EDDM13: variants seen among roughly 807,000 people sequenced by gnomAD.
EDDM13 encodes epididymal protein 13.
Under a neutral mutation model 17.8 loss-of-function variants are expected in EDDM13, and 24 were observed. The ratio of observed to expected loss-of-function variants is 1.35; its 90% CI spans 0.98 to 1.90. EDDM13 has a LOEUF of 1.90. EDDM13 is among the 40% of genes most tolerant of loss of function. EDDM13 has a pLI of 0.00. For synonymous variants in EDDM13, 31 were observed against 37.5 expected (o/e 0.83, Z 0.63); for missense variants, 97 against 100.8 (o/e 0.96, Z 0.16).
chr19:56,309,691 GCAGCC>G (rs2040910782), intron 14 of EDDM13, among the ~76,000 whole-genome samples: 1 of 152,288 alleles, frequency 6.6e-6, no homozygotes, highest in East Asian at 1.9e-4. Context: ...GCTAGGGGGT[GCAGCC>G]CAGCCAGGCC....
intron 9 of EDDM13, among the ~76,000 whole-genome samples, chr19:56,294,028 G>A (rs1274926926): frequency 2.0e-5 from 3 of 152,130 alleles, no homozygotes; most frequent in Admixed American, 6.5e-5. Context: ...TGCTCCTTTC[G>A]CTCCTTTTCC....
At chr19:56,291,373 G>A (rs1025501236) in intron 9 of EDDM13, among the ~76,000 whole-genome samples, 4 of 152,170 alleles carry the variant, frequency 2.6e-5, no homozygotes, top group Non-Finnish European at 5.9e-5. Context: ...GGATTAATGC[G>A]TCTCTAAAGG....
chr19:56,289,304 G>T (rs1282689353), intron 8 of EDDM13, among the ~76,000 whole-genome samples: 1 of 152,154 alleles, frequency 6.6e-6, no homozygotes, highest in Non-Finnish European at 1.5e-5. Context: ...TGTAGAAATT[G>T]CTCCAATGCG....
intron 14 of EDDM13, among the ~76,000 whole-genome samples, chr19:56,307,236 A>T (rs1026206134): frequency 2.0e-5 from 3 of 152,086 alleles, no homozygotes; most frequent in African/African-American, 7.3e-5. Context: ...CCTGCCTTTC[A>T]TCCTCTCCCT....
In EDDM13 at chr19:56,272,828, C is replaced by A; in HGVS notation, c.-7C>A. 4.1e-6 allele frequency: 4 copies of A among 982,494 alleles called. No individual in the cohort carries two copies. Among genetic ancestry groups the A allele is most frequent in the Middle Eastern group, 5.2e-4 (1 of 1,908 alleles). The allele number at this position is 982,494 out of a possible 1,614,324, so 60.9% of individuals were successfully genotyped here. On this transcript the variant is annotated 5_prime_UTR_variant, in exon 1 of 15. Coordinates refer to ENST00000649256, the MANE Select transcript of EDDM13 (RefSeq NM_001354658.2). ...GGAGAACATTCAGCCCAAATCCCAGCCCCATCATGCACAGATCAGAGCCAT... is the reference window on the plus strand; with the variant it reads ...GGAGAACATTCAGCCCAAATCCCAGACCCATCATGCACAGATCAGAGCCAT...
intron 14 of EDDM13, among the ~76,000 whole-genome samples, chr19:56,305,321 C>A (rs562483612): frequency 6.6e-6 from 1 of 152,350 alleles, no homozygotes; most frequent in East Asian, 1.9e-4. Context: ...TCATTTCATA[C>A]ACATGGAATC....
chr19:56,298,404 G>A (rs1295762452), intron 12 of EDDM13, among the ~76,000 whole-genome samples: 12 of 152,264 alleles, frequency 7.9e-5, no homozygotes, highest in East Asian at 1.9e-4. Context: ...CTGGGAGGCC[G>A]AGGCAGGCGG....
At chr19:56,285,700 C>T (rs1478341650) in intron 6 of EDDM13, among the ~76,000 whole-genome samples, 8 of 151,782 alleles carry the variant, frequency 5.3e-5, no homozygotes, top group Admixed American at 1.3e-4. Context: ...AGGCTGGTCT[C>T]GAACTCCTGA....
chr19:56,309,159 G>A (rs995875360), intron 14 of EDDM13, among the ~76,000 whole-genome samples: 1 of 152,220 alleles, frequency 6.6e-6, no homozygotes, highest in Admixed American at 6.5e-5. Flanking sequence ...CAACACGGCT[G>A]AACCTTGAAA....
chr19:56,299,295 C>T (rs2040079302), intron 12 of EDDM13, among the ~76,000 whole-genome samples: 1 of 152,010 alleles, frequency 6.6e-6, no homozygotes, highest in Non-Finnish European at 1.5e-5. Context: ...CCACACCCAG[C>T]TAATTTATTA....
At chr19:56,280,896 AAACCATAACACAT>A (rs1264649775) in intron 2 of EDDM13, among the ~76,000 whole-genome samples, 3 of 152,266 alleles carry the variant, frequency 2.0e-5, no homozygotes, top group African/African-American at 7.2e-5. Context: ...GTACACACTC[AAACCATAACACAT>A]ACACATTTGA....
Position 56,301,980 on chromosome 19 carries a change from C to G in EDDM13, c.308C>G (p.Ser103Ter). The change falls in exon 13 of 15, where the codon TCA (serine) becomes TGA (stop). Residue 103 changes from serine to a stop codon, truncating the protein, a stop_gained. Transcript: ENST00000649256. LOFTEE classifies it high-confidence loss of function. Reference sequence around the variant, plus strand: ...CGGTTCTCTCCAGTTAAACCCTTCTCAGGCACCACCCCATCCAGGAAACCA... The same window carrying G: ...CGGTTCTCTCCAGTTAAACCCTTCTGAGGCACCACCCCATCCAGGAAACCA... ...SGCKEEVKPFSGTTPSRKPLP... is the reference protein window; with the variant it reads ...SGCKEEVKPF 8.1e-7 allele frequency: 1 copy of G among 1,232,152 alleles called. No homozygotes were observed. Among genetic ancestry groups the G allele is most frequent in the Middle Eastern group, 3.1e-4 (1 of 3,208 alleles). 76.3% of individuals were successfully genotyped at this position (1,232,152 alleles called of 1,614,324 possible).
chr19:56,308,473 A>G (rs1698815045), intron 14 of EDDM13, among the ~76,000 whole-genome samples: 1 of 151,500 alleles, frequency 6.6e-6, no homozygotes, highest in Non-Finnish European at 1.5e-5. Flanking sequence ...ACAGGCATGC[A>G]CCACCACACC....
intron 11 of EDDM13, 188 bp downstream of exon 11, chr19:56,296,550 C>T (rs1053174721): frequency 5.3e-5 from 8 of 151,982 alleles, no homozygotes; most frequent in African/African-American, 1.9e-4. Flanking sequence ...TGTTAGCTCT[C>T]CTGTACCAAA....
intron 6 of EDDM13, 64 bp downstream of exon 6, chr19:56,285,088 T>G: frequency 4.7e-6 from 4 of 847,986 alleles, no homozygotes; most frequent in Non-Finnish European, 5.7e-6. Flanking sequence ...AATGTAGACT[T>G]ATTGAGTCAT....
chr19:56,290,221 G>C (rs1244121082), intron 8 of EDDM13, among the ~76,000 whole-genome samples: 1 of 152,212 alleles, frequency 6.6e-6, no homozygotes, highest in Non-Finnish European at 1.5e-5. Context: ...CAGATGGTTT[G>C]AGAACTACTG....
At chr19:56,287,619 C>A (rs578196891) in intron 6 of EDDM13, among the ~76,000 whole-genome samples, 1 of 152,112 alleles carries the variant, frequency 6.6e-6, no homozygotes, top group African/African-American at 2.4e-5. Context: ...GCCACGAAAC[C>A]AAGTACCAAT....
chr19:56,273,765 C>CG (rs1215490903), intron 1 of EDDM13, among the ~76,000 whole-genome samples: 1 of 151,998 alleles, frequency 6.6e-6, no homozygotes, highest in Non-Finnish European at 1.5e-5. Flanking sequence ...ACAGAACAGA[C>CG]GGGGGCATGT....
At chr19:56,282,206 A>C (rs545550012) in intron 3 of EDDM13, among the ~76,000 whole-genome samples, 1 of 152,216 alleles carries the variant, frequency 6.6e-6, no homozygotes, top group East Asian at 1.9e-4. Context: ...GACCTTCCTT[A>C]TGCTAGAAAT....
Sources: gnomAD v4.1 joint callset for allele counts (sites outside exome capture counted in the v4.1 genomes callset) on GRCh38, gnomAD v4.1.1 for gene constraint, MANE v1.5 for transcripts, NCBI Gene and HGNC (gene_info 2026-07-23, HGNC 2026-07-21) for gene names.